LYPLAL1: variants seen among roughly 807,000 people sequenced by gnomAD.
LYPLAL1 encodes lysophospholipase like 1.
Under a neutral mutation model 19.7 loss-of-function variants are expected in LYPLAL1, and 23 were observed. The observed-to-expected ratio is 1.17, with a 90% confidence interval of 0.84 to 1.65. The LOEUF (loss-of-function observed/expected upper bound fraction) is 1.65. Ranked by LOEUF, LYPLAL1 falls within the 40% of genes most tolerant of loss-of-function variation. LYPLAL1 has a pLI of 0.00. For missense variants in LYPLAL1, 355 were observed against 279.4 expected, an observed-to-expected ratio of 1.27 and a Z score of -1.93; for synonymous variants, 119 against 96.3, an observed-to-expected ratio of 1.24 and a Z score of -1.38.
the LYPLAL1 span, among the ~76,000 whole-genome samples, chr1:219,368,270 T>G: frequency 6.6e-6 from 1 of 152,140 alleles, no homozygotes; most frequent in Non-Finnish European, 1.5e-5. Flanking sequence ...GCTTTATTCT[T>G]TGGTAGTCCC....
chr1:219,390,893 C>T, the LYPLAL1 span, among the ~76,000 whole-genome samples: 1 of 152,154 alleles, frequency 6.6e-6, no homozygotes, highest in South Asian at 2.1e-4. Flanking sequence ...CTTATATTAA[C>T]TTCTGCACCT....
At chr1:219,350,218 A>T in the LYPLAL1 span, among the ~76,000 whole-genome samples, 1 of 152,162 alleles carries the variant, frequency 6.6e-6, no homozygotes, top group African/African-American at 2.4e-5. Flanking sequence ...CGATGAAGCC[A>T]CAGCCTGAGA....
chr1:219,286,431 G>C, the LYPLAL1 span, among the ~76,000 whole-genome samples: 1 of 152,142 alleles, frequency 6.6e-6, no homozygotes, highest in Non-Finnish European at 1.5e-5. Flanking sequence ...CAATTTCATA[G>C]CAATAGCTAT....
At chr1:219,199,439 G>T (rs1657891887) in intron 3 of LYPLAL1, among the ~76,000 whole-genome samples, 1 of 151,392 alleles carries the variant, frequency 6.6e-6, no homozygotes, top group South Asian at 2.1e-4. Flanking sequence ...GGTTAATACT[G>T]ATCTTTTTTT....
At chr1:219,319,691 A>G in the LYPLAL1 span, among the ~76,000 whole-genome samples, 1 of 152,186 alleles carries the variant, frequency 6.6e-6, no homozygotes. Context: ...AGAAAGAGGC[A>G]AGAGTGTAAC....
chr1:219,398,461 A>G, the LYPLAL1 span, among the ~76,000 whole-genome samples: 1 of 152,044 alleles, frequency 6.6e-6, no homozygotes, highest in Non-Finnish European at 1.5e-5. Flanking sequence ...GCATCATTTT[A>G]TTGTGATTTT....
the LYPLAL1 span, among the ~76,000 whole-genome samples, chr1:219,417,476 G>A: frequency 6.6e-6 from 1 of 152,312 alleles, no homozygotes; most frequent in South Asian, 2.1e-4. Context: ...TCATTCTAAG[G>A]AATGGCCCTG....
At chr1:219,429,606 A>G in the LYPLAL1 span, among the ~76,000 whole-genome samples, 1 of 152,146 alleles carries the variant, frequency 6.6e-6, no homozygotes, top group Non-Finnish European at 1.5e-5. Flanking sequence ...GTGGTGAGCT[A>G]TGATGGCACC....
At chr1:219,389,043 TTAAG>T in the LYPLAL1 span, among the ~76,000 whole-genome samples, 1 of 152,204 alleles carries the variant, frequency 6.6e-6, no homozygotes, top group South Asian at 2.1e-4. Context: ...TTTTCACTAT[TTAAG>T]TAGGCCATAA....
the LYPLAL1 span, among the ~76,000 whole-genome samples, chr1:219,291,249 A>T: frequency 6.6e-6 from 1 of 152,236 alleles, no homozygotes; most frequent in African/African-American, 2.4e-5. Context: ...AATATGTTAC[A>T]TAATGCAAGA....
the LYPLAL1 span, chr1:219,435,069 G>A: frequency 1.3e-5 from 2 of 152,200 alleles, no homozygotes; most frequent in African/African-American, 4.8e-5. Flanking sequence ...GGATATTCCT[G>A]AGTGAACAAA....
chr1:219,285,830 A>C, the LYPLAL1 span, among the ~76,000 whole-genome samples: 1 of 152,310 alleles, frequency 6.6e-6, no homozygotes, highest in East Asian at 1.9e-4. Flanking sequence ...AAAGTACTAA[A>C]TATCACTGAA....
the LYPLAL1 span, among the ~76,000 whole-genome samples, chr1:219,432,420 GAATA>G: frequency 6.7e-6 from 1 of 148,352 alleles, no homozygotes; most frequent in Admixed American, 6.7e-5. Context: ...AAACATCTTT[GAATA>G]GGATCCAGGT....
chr1:219,330,807 C>T, the LYPLAL1 span, among the ~76,000 whole-genome samples: 2 of 152,178 alleles, frequency 1.3e-5, no homozygotes, highest in South Asian at 2.1e-4. Context: ...TCGCATCTGT[C>T]ACCATGAATC....
At chr1:219,200,938 A>G (rs1658046655) in intron 3 of LYPLAL1, among the ~76,000 whole-genome samples, 1 of 152,206 alleles carries the variant, frequency 6.6e-6, no homozygotes, top group Non-Finnish European at 1.5e-5. Context: ...AGCCAATATG[A>G]ATTTTGAATC....
At chr1:219,254,263 A>G in the LYPLAL1 span, among the ~76,000 whole-genome samples, 7 of 151,948 alleles carry the variant, frequency 4.6e-5, no homozygotes, top group African/African-American at 1.2e-4. Context: ...TATTTGGGGC[A>G]TTTATTCCCT....
At chr1:219,288,273 T>A in the LYPLAL1 span, among the ~76,000 whole-genome samples, 15 of 152,128 alleles carry the variant, frequency 9.9e-5, no homozygotes, top group African/African-American at 3.6e-4. Context: ...GACAATGCAA[T>A]ATAAGTCAGT....
chr1:219,202,642 T>G (rs1235625912), intron 3 of LYPLAL1, among the ~76,000 whole-genome samples: 1 of 152,196 alleles, frequency 6.6e-6, no homozygotes, highest in Non-Finnish European at 1.5e-5. Flanking sequence ...CCAAACAATT[T>G]TTATTAAGCA....
At chr1:219,267,906 C>T in the LYPLAL1 span, among the ~76,000 whole-genome samples, 2 of 152,082 alleles carry the variant, frequency 1.3e-5, no homozygotes, top group African/African-American at 4.8e-5. Flanking sequence ...TGGTTGAGCC[C>T]GAAATCTATT....
Sources: allele counts gnomAD v4.1 joint callset (sites outside exome capture counted in the v4.1 genomes callset), GRCh38; gene constraint gnomAD v4.1.1; transcripts MANE v1.5; gene names NCBI Gene and HGNC (gene_info 2026-07-23, HGNC 2026-07-21).